Variants in MICU1 observed in about 807,000 individuals in gnomAD.
The protein encoded by MICU1 is calcium uptake protein 1, mitochondrial.
Under a neutral mutation model 56.8 loss-of-function variants are expected in MICU1, and 45 were observed. The ratio of observed to expected loss-of-function variants is 0.79; its 90% CI spans 0.62 to 1.02. MICU1 has a LOEUF of 1.02. Among genes scored for constraint, MICU1 ranks in the 50% least tolerant of loss-of-function variants. The probability of loss-of-function intolerance (pLI) is 0.00; values close to 1 mark genes in which losing one functional copy is unlikely to be tolerated. For synonymous variants in MICU1, 186 were observed against 195.1 expected (o/e 0.95, Z 0.39); for missense variants, 504 against 587.1 (o/e 0.86, Z 1.46).
chr10:72,420,959 G>A (rs1332514344), intron 9 of MICU1, among the ~76,000 whole-genome samples: 7 of 141,100 alleles, frequency 5.0e-5, no homozygotes, highest in East Asian at 2.0e-4. Context: ...CCGAGATCAC[G>A]CCATTGCATT....
At chr10:72,373,596 A>C (rs1314314956) in intron 11 of MICU1, among the ~76,000 whole-genome samples, 2 of 152,200 alleles carry the variant, frequency 1.3e-5, no homozygotes, top group African/African-American at 4.8e-5. Flanking sequence ...TAATTTTCCA[A>C]AGGTGATTTA....
chr10:72,424,674 G>C lies in MICU1; in HGVS notation c.934-1303C>G, dbSNP rs543710085. ...CTACTATTAGCTCCACTCTGCAGAT[G>C]AGAAAACTGAAGTAACATGCAGCTA... is the stretch of plus-strand genomic sequence containing the variant. On this transcript the variant is annotated intron_variant, in intron 8 of 11. Transcript: ENST00000361114. Among the ~76,000 whole-genome samples, 4 of 152,230 alleles carry C rather than the reference G, an allele frequency of 2.6e-5. No homozygotes were observed. In the South Asian group the frequency reaches 6.2e-4, roughly 24 times the overall value.
At chr10:72,434,233 A>G (rs1044445321) in intron 8 of MICU1, among the ~76,000 whole-genome samples, 3 of 152,130 alleles carry the variant, frequency 2.0e-5, no homozygotes, top group African/African-American at 7.2e-5. Flanking sequence ...AACGGCAAAC[A>G]TTTACATAGC....
intron 3 of MICU1, 45 bp from the exon 4 acceptor site, chr10:72,551,386 C>G (rs1157325338): frequency 2.2e-6 from 3 of 1,353,058 alleles, no homozygotes; most frequent in Non-Finnish European, 3.0e-6. Flanking sequence ...AAGCAATGCT[C>G]ATATGCTCAT....
Position 72,433,724 on chromosome 10 carries a change from C to T in MICU1, c.934-10353G>A, listed in dbSNP as rs145288614. 9.4e-3 allele frequency among the ~76,000 whole-genome samples: 1,430 copies of T among 152,292 alleles called. 13 individuals carry two copies. The highest frequency in any genetic ancestry group is 0.014 in the Non-Finnish European group (947 of 68,020). ...GGATTACAGGCGTGAGGCACCGTGC[C>T]CAGCCTACAACTTCTTTCATTGGCT... is the stretch of plus-strand genomic sequence containing the variant. On this transcript the variant is annotated intron_variant, in intron 8 of 11. Coordinates refer to ENST00000361114, the MANE Select transcript of MICU1 (RefSeq NM_001195518.2).
At chr10:72,623,404 A>T (rs1019462103) in intron 1 of MICU1, among the ~76,000 whole-genome samples, 6 of 151,944 alleles carry the variant, frequency 3.9e-5, no homozygotes, top group Admixed American at 3.9e-4. Context: ...AAAGAAAAAG[A>T]AAATATGTGT....
At chr10:72,486,637 A>C (rs932157163) in intron 6 of MICU1, among the ~76,000 whole-genome samples, 12 of 152,234 alleles carry the variant, frequency 7.9e-5, no homozygotes, top group South Asian at 2.1e-4. Context: ...ACATCTGGCT[A>C]ATTTTTGTAT....
rs1404724749 is a variant in MICU1, at chr10:72,551,196, T to C, written c.476A>G (p.Asn159Ser). ...CAACTTACGTTCTGGTTGTTTTTCA[T>C]TGGGTGTTATGGATCGCACAAAATC... is the stretch of plus-strand genomic sequence containing the variant. ...PEDFVRSITPNEKQPEHLGLD... is the reference protein window; with the variant it reads ...PEDFVRSITPSEKQPEHLGLD... Residue 159 changes from asparagine to serine, a missense_variant, in exon 4 of 12, where the codon AAT (asparagine) becomes AGT (serine). Transcript: ENST00000361114. The C allele has an allele frequency of 9.4e-6, 15 of 1,599,360 alleles. No individual in the cohort carries two copies. The highest frequency in any genetic ancestry group is 3.5e-5 in the Admixed American group (2 of 56,374).
intron 8 of MICU1, among the ~76,000 whole-genome samples, chr10:72,449,742 A>C (rs918013297): frequency 1.3e-5 from 2 of 152,168 alleles, no homozygotes; most frequent in African/African-American, 4.8e-5. Context: ...CTAATGAGGA[A>C]TGTTTCATGC....
chr10:72,526,304 CT>C (rs562224492), intron 5 of MICU1, among the ~76,000 whole-genome samples: 73 of 149,402 alleles, frequency 4.9e-4, no homozygotes, highest in African/African-American at 6.1e-4. Context: ...TAATTACATT[CT>C]TTTTTTTTTA....
chr10:72,432,000 T>C (rs554392403), intron 8 of MICU1, among the ~76,000 whole-genome samples: 7 of 152,164 alleles, frequency 4.6e-5, no homozygotes, highest in Non-Finnish European at 1.0e-4. Context: ...GTGAATTTTT[T>C]ATGTTGTCTA....
At chr10:72,536,494 G>A (rs371289268) in intron 4 of MICU1, among the ~76,000 whole-genome samples, 31 of 151,672 alleles carry the variant, frequency 2.0e-4, no homozygotes, top group East Asian at 7.7e-4. Flanking sequence ...CTACAGGTGC[G>A]TGCCACCATG....
intron 1 of MICU1, among the ~76,000 whole-genome samples, chr10:72,567,920 A>G (rs1840485300): frequency 6.6e-6 from 1 of 152,202 alleles, no homozygotes; most frequent in African/African-American, 2.4e-5. Context: ...AGATGTGTTT[A>G]GAGCTGAAAT....
At chr10:72,524,172 G>C (rs1204468390) in intron 5 of MICU1, among the ~76,000 whole-genome samples, 4 of 152,074 alleles carry the variant, frequency 2.6e-5, no homozygotes, top group African/African-American at 4.8e-5. Context: ...ACCCAGGCTG[G>C]AGTAGTGTCA....
At chr10:72,444,444 C>CTTTTT (rs754274260) in intron 8 of MICU1, among the ~76,000 whole-genome samples, 14 of 107,662 alleles carry the variant, frequency 1.3e-4, no homozygotes, top group African/African-American at 3.2e-4. Flanking sequence ...GAGTCTTTGC[C>CTTTTT]TTTTTTTTTT....
chr10:72,407,953 T>C lies in MICU1; in HGVS notation c.1156A>G (p.Met386Val), dbSNP rs760945618. The change falls in exon 10 of 12, where the codon ATG becomes GTG. Residue 386 changes from methionine (M) to valine (V), a missense_variant. Coordinates refer to ENST00000361114, the MANE Select transcript of MICU1 (RefSeq NM_001195518.2). ...DVDTALSFYH[M>V]AGASLDKVTM... ...CCTTTATCAAGAGATGCTCCAGCCA[T>C]ATGGTAAAAACTCAATGCAGTGTCC... The C allele has an allele frequency of 6.2e-7, 1 of 1,612,882 alleles. No individual in the cohort carries two copies. The highest frequency in any genetic ancestry group is 1.1e-5 in the South Asian group (1 of 90,948).
chr10:72,516,168 T>C (rs547485334), intron 5 of MICU1, among the ~76,000 whole-genome samples: 1 of 152,240 alleles, frequency 6.6e-6, no homozygotes, highest in Non-Finnish European at 1.5e-5. Flanking sequence ...GCGGTTTTGA[T>C]TTGCATTTCT....
At chr10:72,593,354 C>G (rs929043224) in intron 1 of MICU1, among the ~76,000 whole-genome samples, 1 of 151,928 alleles carries the variant, frequency 6.6e-6, no homozygotes, top group Non-Finnish European at 1.5e-5. Flanking sequence ...AATCCCAGCA[C>G]TTTGGGAGGC....
intron 8 of MICU1, among the ~76,000 whole-genome samples, chr10:72,456,805 C>T (rs926844738): frequency 1.3e-5 from 2 of 151,616 alleles, no homozygotes; most frequent in African/African-American, 2.4e-5. Flanking sequence ...CCTTCCACCC[C>T]AGCTTCCCAA....
Sources: allele counts gnomAD v4.1 joint callset (sites outside exome capture counted in the v4.1 genomes callset), GRCh38; gene constraint gnomAD v4.1.1; transcripts MANE v1.5; gene names NCBI Gene and HGNC (gene_info 2026-07-23, HGNC 2026-07-21).